Variants in HECTD4 observed in about 807,000 individuals in gnomAD.
The protein encoded by HECTD4 is HECT domain E3 ubiquitin protein ligase 4.
Under a neutral mutation model 471.5 loss-of-function variants are expected in HECTD4, and 114 were observed. The ratio of observed to expected loss-of-function variants is 0.24; its 90% CI spans 0.21 to 0.28. The LOEUF (loss-of-function observed/expected upper bound fraction) is 0.28, where lower values mean the gene tolerates loss of function less well. HECTD4 is among the 10% of genes least tolerant of loss of function. The probability of loss-of-function intolerance (pLI) is 1.00; values close to 1 mark genes in which losing one functional copy is unlikely to be tolerated. For synonymous variants in HECTD4, 2,012 were observed against 2,256.0 expected (o/e 0.89, Z 3.07); for missense variants, 3,866 against 5,651.5 (o/e 0.68, Z 10.13).
chr12:112,247,222 C>T (rs2033782639), intron 28 of HECTD4, 146 bp from the exon 29 acceptor site: 1 of 695,626 alleles, frequency 1.4e-6, no homozygotes, highest in African/African-American at 1.8e-5. Flanking sequence ...TCCCTGTTTC[C>T]TCATCCAAGT....
intron 7 of HECTD4, among the ~76,000 whole-genome samples, chr12:112,288,963 C>T (rs548396802): frequency 2.6e-5 from 4 of 152,304 alleles, no homozygotes; most frequent in Admixed American, 6.5e-5. Flanking sequence ...AACTGAAATA[C>T]CTTAAAAGTC....
rs1172085672 is a variant in HECTD4, at chr12:112,162,337, C to G, written c.*50G>C. On this transcript the variant is annotated 3_prime_UTR_variant, in exon 76 of 76. Coordinates refer to ENST00000682272, the MANE Select transcript of HECTD4 (RefSeq NM_001388303.1). This position sits in a 1 kb window ranked among gnomAD's most constrained non-coding sequence, Gnocchi z 5.2. ...CGGGCCGCAGTGGTGGCTTCCCAAG[C>G]CAGCAGAGTGGGTGCCTCAGTGACA... The G allele has an allele frequency of 6.8e-6, 11 of 1,611,526 alleles. No homozygotes were observed. Among genetic ancestry groups the G allele is most frequent in the Non-Finnish European group, 9.3e-6 (11 of 1,178,526 alleles).
chr12:112,234,966 G>A (rs2033465684), intron 37 of HECTD4, 111 bp downstream of exon 37: 1 of 853,522 alleles, frequency 1.2e-6, no homozygotes, highest in Non-Finnish European at 1.8e-6. Context: ...TACCTGAAAG[G>A]GGTGTAAAGA....
intron 66 of HECTD4, among the ~76,000 whole-genome samples, chr12:112,175,517 A>C (rs1039150991): frequency 6.6e-6 from 1 of 152,266 alleles, no homozygotes; most frequent in African/African-American, 2.4e-5. Flanking sequence ...CAAGCTGACC[A>C]GCACAGTCTC....
chr12:112,274,449 T>C (rs1341666658), intron 10 of HECTD4, among the ~76,000 whole-genome samples: 1 of 152,230 alleles, frequency 6.6e-6, no homozygotes, highest in Non-Finnish European at 1.5e-5. Context: ...CTCATGCCTG[T>C]AATCCCAGCA....
chr12:112,284,705 C>A (rs568961699), intron 7 of HECTD4, among the ~76,000 whole-genome samples: 48 of 152,304 alleles, frequency 3.2e-4, no homozygotes, highest in African/African-American at 1.2e-3. Flanking sequence ...AATGGTCCAC[C>A]AGTGACCTAA....
chr12:112,350,843 G>A (rs766541220), intron 1 of HECTD4, among the ~76,000 whole-genome samples: 1 of 152,168 alleles, frequency 6.6e-6, no homozygotes, highest in Non-Finnish European at 1.5e-5. Flanking sequence ...CTGGTTACTG[G>A]TGTCAGTGAC....
intron 55 of HECTD4, 65 bp downstream of exon 55, chr12:112,200,573 G>T: frequency 6.6e-7 from 1 of 1,518,514 alleles, no homozygotes; most frequent in Non-Finnish European, 9.0e-7. Flanking sequence ...ATGGTACATG[G>T]TACATGTGGT....
intron 1 of HECTD4, among the ~76,000 whole-genome samples, chr12:112,338,681 AAAG>A (rs1793588391): frequency 6.6e-6 from 1 of 152,156 alleles, no homozygotes; most frequent in African/African-American, 2.4e-5. Context: ...TTTATACAGA[AAAG>A]AAGTTTAACT....
At chr12:112,324,142 G>A (rs189100062) in intron 1 of HECTD4, among the ~76,000 whole-genome samples, 47 of 114,390 alleles carry the variant, frequency 4.1e-4, no homozygotes, top group African/African-American at 1.1e-3. Flanking sequence ...TTTTTTTGAC[G>A]GGGTCTCACT....
At chr12:112,261,205 T>C (rs1183364469) in intron 18 of HECTD4, 100 bp downstream of exon 18, 4 of 1,283,462 alleles carry the variant, frequency 3.1e-6, no homozygotes, top group East Asian at 5.3e-5. Context: ...AATCTCTCTA[T>C]ATAAAATTGA....
chr12:112,280,948 ACC>A (rs768917501), intron 8 of HECTD4, among the ~76,000 whole-genome samples: 12 of 151,212 alleles, frequency 7.9e-5, no homozygotes, highest in Non-Finnish European at 1.6e-4. Flanking sequence ...CCACCATCAC[ACC>A]CGGCTAATTT....
At chr12:112,352,870 G>T (rs547279028) in intron 1 of HECTD4, among the ~76,000 whole-genome samples, 1 of 152,184 alleles carries the variant, frequency 6.6e-6, no homozygotes, top group Non-Finnish European at 1.5e-5. Context: ...GCCTCCCAAA[G>T]TGCTGGGGTT....
chr12:112,301,952 T>C (rs2035175502), intron 7 of HECTD4: 3 of 872,910 alleles, frequency 3.4e-6, no homozygotes, highest in Non-Finnish European at 5.7e-6. Flanking sequence ...ACCCAAGATA[T>C]TGCCTCCCCA....
chr12:112,230,816 A>G lies in HECTD4; in HGVS notation c.6207T>C (p.Asp2069=). 6.2e-7 allele frequency: 1 copy of G among 1,609,670 alleles called. No homozygotes were observed. The highest frequency in any genetic ancestry group is 8.5e-7 in the Non-Finnish European group (1 of 1,177,968). The change falls in exon 40 of 76, where the codon GAT becomes GAC. Residue 2069 remains aspartate (D), a synonymous_variant. Coordinates refer to ENST00000682272, the MANE Select transcript of HECTD4 (RefSeq NM_001388303.1). The part of the protein sequence containing the change: ...RERNSELART[D]PVRPFISGHV... Reference sequence around the variant, plus strand: ...GCCCACTGATGAAGGGACGCACAGGATCAGTCCTGCAAGTGTCAACAGGAA... The same window carrying G: ...GCCCACTGATGAAGGGACGCACAGGGTCAGTCCTGCAAGTGTCAACAGGAA...
Position 112,233,214 on chromosome 12 carries a change from CTTTTTTTTTTTTT to C in HECTD4, c.5916-142_5916-130del, listed in dbSNP as rs546999938. 297 of 235,706 alleles carry C rather than the reference CTTTTTTTTTTTTT, an allele frequency of 1.3e-3. 4 individuals are homozygous for C. The highest frequency in any genetic ancestry group is 1.5e-3 in the Non-Finnish European group (192 of 127,726). 14.6% of individuals were successfully genotyped at this position (235,706 alleles called of 1,614,324 possible). A position where few individuals can be genotyped will look rare whatever the true frequency, so the allele number is the denominator to read the frequency against. The stretch of plus-strand genomic sequence containing the variant: ...TAACATTAGCTTACACTAACATTAG[CTTTTTTTTTTTTT>C]TTTTTTTTTTTTGAGACAGGGTGTT... On this transcript the variant is annotated intron_variant, in intron 37 of 75. Transcript: ENST00000682272.
rs764181925 is a variant in HECTD4, at chr12:112,175,785, T to G, written c.11545A>C (p.Ser3849Arg). The change falls in exon 66 of 76, where the codon AGC becomes CGC. Residue 3849 changes from serine (S) to arginine (R), a missense_variant. This residue lies in a region of HECTD4 where 715 missense variants were observed against 1,087.6 expected (regional missense o/e 0.66). Transcript: ENST00000682272. The stretch of plus-strand genomic sequence containing the variant: ...CAGGACAAGATCGCCCTCCAGACGC[T>G]ACGGATATCTTGCCTGGCTCGGTCA... ...VIDRARQDIR[S>R]VWRAILSCGY... The G allele has an allele frequency of 6.2e-7, 1 of 1,613,474 alleles. No individual in the cohort carries two copies. Among genetic ancestry groups the G allele is most frequent in the South Asian group, 1.1e-5 (1 of 90,904 alleles).
At position 112,194,931 on chromosome 12, in the gene HECTD4, C is replaced by G. The variant is rs747265319; in HGVS notation, c.8703G>C (p.Glu2901Asp). The G allele has an allele frequency of 3.7e-6, 6 of 1,609,484 alleles. No individual in the cohort carries two copies. The highest frequency in any genetic ancestry group is 5.1e-6 in the Non-Finnish European group (6 of 1,178,118). ...GCTGATTGGACAGCAGTTGCAGGTG[C>G]TCCAGGGTAATGTCCCGGATGGCAG... is the stretch of plus-strand genomic sequence containing the variant. ...HIPAIRDITL[E>D]HLQLLSNQLL... The change falls in exon 56 of 76, where the codon GAG becomes GAC. Residue 2901 changes from glutamate to aspartate, a missense_variant. Coordinates refer to ENST00000682272, the MANE Select transcript of HECTD4 (RefSeq NM_001388303.1). The surrounding 1 kb of genome is among the most constrained non-coding windows in gnomAD (Gnocchi z 4.6).
intron 62 of HECTD4, among the ~76,000 whole-genome samples, chr12:112,182,094 A>C (rs537114512): frequency 6.7e-6 from 1 of 150,134 alleles, no homozygotes; most frequent in East Asian, 1.9e-4. Flanking sequence ...CTCTGTCTTA[A>C]AAAAAAAAAG....
Sources: allele counts gnomAD v4.1 joint callset (sites outside exome capture counted in the v4.1 genomes callset), GRCh38; gene constraint gnomAD v4.1.1; regional missense constraint gnomAD v4.1.1; non-coding constraint Gnocchi (gnomAD v3.1); transcripts MANE v1.5; gene names NCBI Gene and HGNC (gene_info 2026-07-23, HGNC 2026-07-21).